NTAQ1: variants seen among roughly 807,000 people sequenced by gnomAD.
NTAQ1 encodes the protein N-terminal glutamine amidase 1.
A neutral mutation model predicts 28.2 loss-of-function variants in NTAQ1; 21 were observed. That is an observed-to-expected ratio of 0.74 (90% CI 0.53 to 1.07). NTAQ1 has a LOEUF of 1.07. NTAQ1 is among the 50% of genes least tolerant of loss of function. NTAQ1 has a pLI of 0.00. For synonymous variants in NTAQ1, 105 were observed against 90.0 expected (o/e 1.17, Z -0.94); for missense variants, 264 against 256.6 (o/e 1.03, Z -0.20).
downstream of NTAQ1, among the ~76,000 whole-genome samples, chr8:123,444,509 A>G (rs1815197096): frequency 6.6e-6 from 1 of 151,460 alleles, no homozygotes; most frequent in Non-Finnish European, 1.5e-5. Context: ...TGACTAAAGC[A>G]AAAAATTTTC....
downstream of NTAQ1, among the ~76,000 whole-genome samples, chr8:123,450,756 C>T (rs1815467143): frequency 7.6e-6 from 1 of 131,504 alleles, no homozygotes; most frequent in Non-Finnish European, 1.7e-5. Context: ...AGGCACCACT[C>T]CAATAACTCT....
rs74691061 is a variant in NTAQ1 at position 123,469,540 on chromosome 8, A to G, written c.*2390A>G. Among the ~76,000 whole-genome samples, 1,366 of 152,354 alleles carry G rather than the reference A, an allele frequency of 9.0e-3. 58 individuals are homozygous for G. Among genetic ancestry groups the G allele is most frequent in the East Asian group, 0.065 (340 of 5,194 alleles). Reference sequence around the variant, plus strand: ...AATTTTTTTAACTGCAGGAAAAATAACAAAATAACAGAATTCTTCTTTTAT... The same window carrying G: ...AATTTTTTTAACTGCAGGAAAAATAGCAAAATAACAGAATTCTTCTTTTAT... On this transcript the variant is annotated 3_prime_UTR_variant, in exon 7 of 7. Transcript: ENST00000650311.
chr8:123,427,885 A>G, intron 1 of NTAQ1, 39 bp from the exon 2 acceptor site: 1 of 1,495,524 alleles, frequency 6.7e-7, no homozygotes, highest in Non-Finnish European at 9.2e-7. Flanking sequence ...GACACATAGA[A>G]TGTTCTCTAA....
rs570631995 is a variant in NTAQ1, at chr8:123,428,036, G to A, written c.183+13G>A. 19 of 1,554,146 alleles carry A rather than the reference G, an allele frequency of 1.2e-5. No individual in the cohort carries two copies. Among genetic ancestry groups the A allele is most frequent in the Admixed American group, 2.0e-5 (1 of 50,084 alleles). On this transcript the variant is annotated intron_variant, in intron 2 of 5. Coordinates refer to ENST00000287387, the MANE Select transcript of NTAQ1 (RefSeq NM_018024.3). ...TGAGAGGAAGATGGTAAGTTGGTGA[G>A]TGATTGCAGAAAGAAAACAAGAGAT... is the stretch of plus-strand genomic sequence containing the variant.
At chr8:123,438,379 A>G in intron 5 of NTAQ1, 1 of 520,698 alleles carries the variant, frequency 1.9e-6, no homozygotes, top group South Asian at 2.5e-5. Flanking sequence ...CAAGGGTCTG[A>G]GCGTGGTGGC....
Position 123,469,752 on chromosome 8 carries a change from G to A in NTAQ1, c.*2602G>A, listed in dbSNP as rs543306828. Reference sequence around the variant, plus strand: ...CATTCACCAAAAGTGATTATCAAACGTCTACTATGTTCTGGGCACTAACTA... The same window carrying A: ...CATTCACCAAAAGTGATTATCAAACATCTACTATGTTCTGGGCACTAACTA... On this transcript the variant is annotated 3_prime_UTR_variant, in exon 7 of 7. Transcript: ENST00000650311. Among the ~76,000 whole-genome samples, 6 of 152,170 alleles carry A rather than the reference G, an allele frequency of 3.9e-5. 1 individual carries two copies. Among genetic ancestry groups the A allele is most frequent in the Non-Finnish European group, 7.3e-5 (5 of 68,028 alleles).
At chr8:123,470,975 C>T (rs1190969871), downstream of NTAQ1, among the ~76,000 whole-genome samples, 1 of 151,102 alleles carries the variant, frequency 6.6e-6, no homozygotes, top group Non-Finnish European at 1.5e-5. Context: ...GGCTGGAGTG[C>T]AGTGGCATGA....
downstream of NTAQ1, among the ~76,000 whole-genome samples, chr8:123,445,005 A>G (rs940861000): frequency 6.6e-6 from 1 of 152,230 alleles, no homozygotes; most frequent in Non-Finnish European, 1.5e-5. Flanking sequence ...TTGGTTAGCA[A>G]TGGTAGTAAA....
intron 1 of NTAQ1, among the ~76,000 whole-genome samples, chr8:123,419,180 C>T (rs1049265965): frequency 4.0e-5 from 6 of 150,462 alleles, no homozygotes; most frequent in African/African-American, 1.5e-4. Flanking sequence ...CTCACTGCAG[C>T]CTCCACCTCC....
downstream of NTAQ1, among the ~76,000 whole-genome samples, chr8:123,450,191 G>A (rs1815448891): frequency 6.6e-6 from 1 of 151,110 alleles, no homozygotes; most frequent in Admixed American, 6.6e-5. Flanking sequence ...ATGGAGGAAG[G>A]AGGAGAAAAC....
Position 123,436,544 on chromosome 8 carries a change from A to T in NTAQ1, c.326A>T (p.Asp109Val). Reference protein sequence around the residue: ...DTVLPFPCLFDTYVEDAFKSD... With the variant: ...DTVLPFPCLFVTYVEDAFKSD... ...GTCTTGCCATTTCCCTGCCTCTTTG[A>T]CACTTATGTAGAAGATGCCTTTAAG... Residue 109 changes from aspartate (D) to valine (V), a missense_variant, in exon 4 of 6, where the codon GAC (aspartate) becomes GTC (valine). Coordinates refer to ENST00000287387, the MANE Select transcript of NTAQ1 (RefSeq NM_018024.3). 6.2e-7 allele frequency: 1 copy of T among 1,614,024 alleles called. No homozygotes were observed. The highest frequency in any genetic ancestry group is 1.7e-5 in the Admixed American group (1 of 59,992).
At chr8:123,474,836 G>A (rs527358879), downstream of NTAQ1, among the ~76,000 whole-genome samples, 4 of 152,254 alleles carry the variant, frequency 2.6e-5, no homozygotes, top group East Asian at 1.9e-4. Flanking sequence ...GCAGTGAGCC[G>A]AGATCCTGCC....
intron 5 of NTAQ1, 25 bp from the exon 6 acceptor site, chr8:123,441,281 A>T: frequency 6.6e-7 from 1 of 1,515,530 alleles, no homozygotes; most frequent in Middle Eastern, 1.8e-4. Context: ...TTCAGTGGAC[A>T]TTTTTTTTTC....
At chr8:123,453,082 C>G (rs919229903), downstream of NTAQ1, among the ~76,000 whole-genome samples, 2 of 152,152 alleles carry the variant, frequency 1.3e-5, no homozygotes, top group Non-Finnish European at 2.9e-5. Context: ...TTAATACAGT[C>G]ACACCGTTCT....
At chr8:123,439,203 GT>G (rs1166366987) in intron 5 of NTAQ1, among the ~76,000 whole-genome samples, 3 of 148,972 alleles carry the variant, frequency 2.0e-5, no homozygotes, top group African/African-American at 7.4e-5. Context: ...TTTTTTTTTT[GT>G]TGAGACTCTT....
intron 1 of NTAQ1, among the ~76,000 whole-genome samples, chr8:123,421,495 G>A (rs1350999664): frequency 6.7e-6 from 1 of 149,578 alleles, no homozygotes; most frequent in Non-Finnish European, 1.5e-5. Context: ...TATTGGCCAT[G>A]TGCATGTCTC....
At chr8:123,447,106 G>A (rs2130361615), downstream of NTAQ1, among the ~76,000 whole-genome samples, 1 of 151,430 alleles carries the variant, frequency 6.6e-6, no homozygotes, top group African/African-American at 2.4e-5. Context: ...TTACTTTTCT[G>A]TCTAGGTGTC....
chr8:123,474,353 G>A (rs1816070015), downstream of NTAQ1, among the ~76,000 whole-genome samples: 2 of 152,126 alleles, frequency 1.3e-5, no homozygotes, highest in African/African-American at 2.4e-5. Flanking sequence ...CAGTAACCTT[G>A]TAGAATGCCC....
At chr8:123,455,661 G>T (rs1264679012) in intron 6 of NTAQ1, among the ~76,000 whole-genome samples, 1 of 151,846 alleles carries the variant, frequency 6.6e-6, no homozygotes, top group Non-Finnish European at 1.5e-5. Context: ...CTGAGCTCAG[G>T]CAATCCACCC....
Sources: allele counts gnomAD v4.1 joint callset (sites outside exome capture counted in the v4.1 genomes callset), GRCh38; gene constraint gnomAD v4.1.1; transcripts MANE v1.5; gene names NCBI Gene and HGNC (gene_info 2026-07-23, HGNC 2026-07-21).